The following NSD2 variants were observed in gnomAD, a reference collection of about 807,000 sequenced individuals.
NSD2 encodes histone-lysine N-methyltransferase NSD2.
A neutral mutation model predicts 139.0 loss-of-function variants in NSD2; 12 were observed. The observed-to-expected ratio is 0.09, with a 90% CI of 0.06 to 0.14. The LOEUF is 0.14. Ranked by LOEUF, NSD2 falls within the 10% of genes least tolerant of loss-of-function variation. The pLI is 1.00. For synonymous variants in NSD2, 669 were observed against 648.7 expected, an observed-to-expected ratio of 1.03 and a Z score of -0.48; for missense variants, 1,155 against 1,745.0, an observed-to-expected ratio of 0.66 and a Z score of 6.02.
chr4:1,967,307 C>T lies in NSD2; in HGVS notation c.3372+6156C>T, dbSNP rs111298117. Among the ~76,000 whole-genome samples, 1,012 of 152,286 alleles carry T rather than the reference C, an allele frequency of 6.6e-3. 7 individuals carry two copies. The highest frequency in any genetic ancestry group is 0.022 in the African/African-American group (924 of 41,562). Reference sequence around the variant, plus strand: ...TAAAAATCTCCTGAGAGGCCGGGCACGGTGGCTCATGCCTGTAATCCCAGC... The same window carrying T: ...TAAAAATCTCCTGAGAGGCCGGGCATGGTGGCTCATGCCTGTAATCCCAGC... On this transcript the variant is annotated intron_variant, in intron 18 of 21. Coordinates refer to ENST00000508803, the MANE Select transcript of NSD2 (RefSeq NM_001042424.3).
intron 1 of NSD2, among the ~76,000 whole-genome samples, chr4:1,873,799 G>GTT (rs5855722): frequency 0.68 from 103,800 of 152,064 alleles, 39,766 homozygotes; most frequent in East Asian, 0.98. Context: ...GAACTTAAAA[G>GTT]AAGTGCTAAG....
intron 3 of NSD2, among the ~76,000 whole-genome samples, chr4:1,914,601 C>T (rs1160848186): frequency 6.6e-6 from 1 of 152,196 alleles, no homozygotes; most frequent in Admixed American, 6.5e-5. Context: ...GCTGGGATTA[C>T]AGGCGTGAGC....
chr4:1,981,298 C>T lies in NSD2; in HGVS notation c.*2389C>T, dbSNP rs143714734. On this transcript the variant is annotated 3_prime_UTR_variant, in exon 22 of 22. Transcript: ENST00000508803. ...TCAGTGGAGCCAGGCTTTGGGGTAG[C>T]GGCCCTGAGCTTGCAGGGTTTCTCG... 10 of 233,332 alleles carry T rather than the reference C, an allele frequency of 4.3e-5. No homozygotes were observed. Among genetic ancestry groups the T allele is most frequent in the African/African-American group, 8.8e-5 (4 of 45,470 alleles). 14.5% of individuals were successfully genotyped at this position (233,332 alleles called of 1,614,324 possible).
At chr4:1,932,135 T>A (rs1187965963) in intron 6 of NSD2, among the ~76,000 whole-genome samples, 2 of 151,360 alleles carry the variant, frequency 1.3e-5, no homozygotes, top group African/African-American at 4.9e-5. Context: ...ATGACCTCAG[T>A]GTTAGAAATC....
intron 3 of NSD2, among the ~76,000 whole-genome samples, chr4:1,906,299 C>T (rs185488808): frequency 5.0e-4 from 76 of 152,174 alleles, no homozygotes; most frequent in African/African-American, 1.8e-3. Flanking sequence ...AGTGCAGTGG[C>T]GCAGTCTTAG....
intron 1 of NSD2, among the ~76,000 whole-genome samples, chr4:1,880,825 T>C (rs992316273): frequency 3.3e-5 from 5 of 152,190 alleles, no homozygotes; most frequent in African/African-American, 1.2e-4. Context: ...CTAATTTTTA[T>C]TGTAGGGCTT....
At position 1,871,466 on chromosome 4, in the gene NSD2, C is replaced by G. The variant is rs1023395555; in HGVS notation, c.-106C>G. The G allele has an allele frequency of 1.1e-4, 17 of 149,266 alleles. No individual in the cohort carries two copies. Among genetic ancestry groups the G allele is most frequent in the African/African-American group, 3.9e-4 (16 of 41,038 alleles). 9.2% of individuals were successfully genotyped at this position (149,266 alleles called of 1,614,324 possible). Reference sequence around the variant, plus strand: ...CCGCCGCCCCCTCCCCGCCTGGGCCCTACCGCCGCACGGCCCCGGCCCCCT... The same window carrying G: ...CCGCCGCCCCCTCCCCGCCTGGGCCGTACCGCCGCACGGCCCCGGCCCCCT... On this transcript the variant is annotated 5_prime_UTR_variant, in exon 1 of 22. Coordinates refer to ENST00000508803, the MANE Select transcript of NSD2 (RefSeq NM_001042424.3).
intron 17 of NSD2, among the ~76,000 whole-genome samples, chr4:1,960,717 G>A (rs910683494): frequency 6.6e-6 from 1 of 152,190 alleles, no homozygotes. Context: ...TCTCTGTTGT[G>A]GGGATCACCG....
In NSD2 at chr4:1,979,718, T is replaced by C. The variant is rs935121983; in HGVS notation, c.*809T>C. ...AACATTTGGGGGATAACTTTGTATA[T>C]TTTTTTCATTTGGCTTTTCTTTACC... On this transcript the variant is annotated 3_prime_UTR_variant, in exon 22 of 22. Transcript: ENST00000508803. The C allele has an allele frequency of 2.2e-5, 5 of 231,784 alleles. No individual in the cohort carries two copies. Among genetic ancestry groups the C allele is most frequent in the African/African-American group, 1.1e-4 (5 of 45,260 alleles). The allele number at this position is 231,784 out of a possible 1,614,324, so 14.4% of individuals were successfully genotyped here.
At position 1,925,772 on chromosome 4, in the gene NSD2, A is replaced by ATAT. The variant is rs1398178074; in HGVS notation, c.1411-4853_1411-4852insATT. 9.4e-3 allele frequency among the ~76,000 whole-genome samples: 1,399 copies of ATAT among 148,888 alleles called. 27 individuals are homozygous for ATAT. Among genetic ancestry groups the ATAT allele is most frequent in the African/African-American group, 0.034 (1,329 of 39,408 alleles). Reference sequence around the variant, plus strand: ...CTTCTTTTTATATATCTATATATATATTTTTTTTTGTTTGTTTGTTTGTTT... The same window carrying ATAT: ...CTTCTTTTTATATATCTATATATATATATTTTTTTTTTGTTTGTTTGTTTGTTT... On this transcript the variant is annotated intron_variant, in intron 5 of 21. Transcript: ENST00000508803.
At chr4:1,891,696 CA>C (rs1478699283) in intron 1 of NSD2, among the ~76,000 whole-genome samples, 1 of 151,730 alleles carries the variant, frequency 6.6e-6, no homozygotes, top group Non-Finnish European at 1.5e-5. Flanking sequence ...ATCAAAAATA[CA>C]AAAATAAAAA....
chr4:1,922,683 T>TG (rs1263827312), intron 5 of NSD2, among the ~76,000 whole-genome samples: 1 of 152,184 alleles, frequency 6.6e-6, no homozygotes, highest in Non-Finnish European at 1.5e-5. Context: ...CCCAGCACTT[T>TG]GGGAGGTCAA....
chr4:1,980,849 C>T lies in NSD2; in HGVS notation c.*1940C>T, dbSNP rs1727689713. ...CAGACTCTAACTTCTCCCAAAGTGT[C>T]CTAAGAAAATACTGGATCGGCTCAT... On this transcript the variant is annotated 3_prime_UTR_variant, in exon 22 of 22. Coordinates refer to ENST00000508803, the MANE Select transcript of NSD2 (RefSeq NM_001042424.3). The T allele has an allele frequency of 4.3e-6, 1 of 233,162 alleles. No homozygotes were observed. The highest frequency in any genetic ancestry group is 2.2e-5 in the African/African-American group (1 of 45,354). 14.4% of individuals were successfully genotyped at this position (233,162 alleles called of 1,614,324 possible).
At chr4:1,952,016 C>T in intron 10 of NSD2, 92 bp from the exon 11 acceptor site, 1 of 1,525,696 alleles carries the variant, frequency 6.6e-7, no homozygotes, top group Non-Finnish European at 8.8e-7. Context: ...GGATTTTCTG[C>T]CACTGGAGAC....
intron 5 of NSD2, among the ~76,000 whole-genome samples, chr4:1,922,264 C>T (rs1452417450): frequency 1.3e-5 from 2 of 151,998 alleles, no homozygotes; most frequent in African/African-American, 4.8e-5. Flanking sequence ...TAGAGTTCAC[C>T]AGGATATAAA....
chr4:1,896,999 T>C (rs547232058), intron 1 of NSD2, among the ~76,000 whole-genome samples: 5 of 150,668 alleles, frequency 3.3e-5, no homozygotes, highest in African/African-American at 1.2e-4. Flanking sequence ...GGTGAGACTT[T>C]GTACAAAAAC....
At chr4:1,966,518 G>A (rs1258058934) in intron 18 of NSD2, among the ~76,000 whole-genome samples, 1 of 151,978 alleles carries the variant, frequency 6.6e-6, no homozygotes, top group African/African-American at 2.4e-5. Context: ...TTAGCCGGGC[G>A]TGGTGGCAGG....
At chr4:1,950,849 A>C (rs1196486932) in intron 9 of NSD2, among the ~76,000 whole-genome samples, 2 of 152,252 alleles carry the variant, frequency 1.3e-5, no homozygotes, top group African/African-American at 4.8e-5. Flanking sequence ...TACTAGGTAG[A>C]ATAAAGTCCG....
chr4:1,958,103 A>G lies in NSD2; in HGVS notation c.2985+67A>G. 1 of 1,488,036 alleles carries G rather than the reference A, an allele frequency of 6.7e-7. No homozygotes were observed. The highest frequency in any genetic ancestry group is 9.3e-7 in the Non-Finnish European group (1 of 1,078,032). 92.2% of individuals were successfully genotyped at this position (1,488,036 alleles called of 1,614,324 possible). On this transcript the variant is annotated intron_variant, in intron 16 of 21. Coordinates refer to ENST00000508803, the MANE Select transcript of NSD2 (RefSeq NM_001042424.3). The surrounding 1 kb of genome is among the most constrained non-coding windows in gnomAD (Gnocchi z 4.6). ...TCCCCGAGGGCCGTGAGAGGTTCTT[A>G]GGCACACCCAGGCTATGGCTGGGGA...
Sources: allele counts gnomAD v4.1 joint callset (sites outside exome capture counted in the v4.1 genomes callset), GRCh38; gene constraint gnomAD v4.1.1; non-coding constraint Gnocchi (gnomAD v3.1); transcripts MANE v1.5; gene names NCBI Gene and HGNC (gene_info 2026-07-23, HGNC 2026-07-21).